The following CACNA1E variants were observed in gnomAD, a reference collection of about 807,000 sequenced individuals.
CACNA1E encodes calcium voltage-gated channel subunit alpha1 E.
A neutral mutation model predicts 259.2 loss-of-function variants in CACNA1E; 40 were observed. The ratio of observed to expected loss-of-function variants is 0.15; its 90% CI spans 0.12 to 0.20. The LOEUF (loss-of-function observed/expected upper bound fraction) is 0.20. Ranked by LOEUF, CACNA1E falls within the 10% of genes least tolerant of loss-of-function variation. The pLI is 1.00. For missense variants in CACNA1E, 1,874 were observed against 3,040.1 expected (o/e 0.62, Z 9.02); for synonymous variants, 1,104 against 1,138.5 (o/e 0.97, Z 0.61).
In CACNA1E at chr1:181,483,765, G is replaced by T; in HGVS notation, c.21G>T (p.Ala7=). 6.2e-7 allele frequency: 1 copy of T among 1,609,206 alleles called. No homozygotes were observed. The highest frequency in any genetic ancestry group is 8.5e-7 in the Non-Finnish European group (1 of 1,177,888). ...TCAGGATGGCTCGCTTCGGGGAGGC[G>T]GTGGTCGCCAGGCCAGGGTCCGGCG... MARFGE[A]VVARPGSGDG... The change falls in exon 1 of 48, where the codon GCG becomes GCT. Residue 7 remains alanine (A), a synonymous_variant. Transcript: ENST00000367573.
chr1:181,796,628 G>A (rs373059275), intron 46 of CACNA1E, 40 bp from the exon 47 acceptor site: 4 of 1,457,290 alleles, frequency 2.7e-6, no homozygotes, highest in South Asian at 2.7e-5. Context: ...TGGTCAGAGT[G>A]GACAGAGTTA....
intron 1 of CACNA1E, among the ~76,000 whole-genome samples, chr1:181,397,490 G>A (rs981076087): frequency 4.6e-5 from 7 of 152,068 alleles, no homozygotes; most frequent in African/African-American, 1.2e-4. Context: ...TAGTAGAGAC[G>A]GGGTTTCACC....
At chr1:181,483,500 TC>T, upstream of CACNA1E, 4 of 321,326 alleles carry the variant, frequency 1.2e-5, no homozygotes, top group East Asian at 5.0e-5. Flanking sequence ...TTTTCTTTTT[TC>T]TTTTTTTTTT....
At chr1:181,574,527 T>C (rs1255879888) in intron 3 of CACNA1E, among the ~76,000 whole-genome samples, 1 of 152,188 alleles carries the variant, frequency 6.6e-6, no homozygotes, top group Non-Finnish European at 1.5e-5. Context: ...CTTTATTGAG[T>C]GCCTCTTACT....
Position 181,568,908 on chromosome 1 carries a change from C to CT in CACNA1E, c.513-8856dup, listed in dbSNP as rs1358707466. ...GGCGTGAGCCACTGTGCCTGGCCCT[C>CT]TTCGGACTCCTTACTGTCTACTCTC... On this transcript the variant is annotated intron_variant, in intron 3 of 47. Coordinates refer to ENST00000367573, the MANE Select transcript of CACNA1E (RefSeq NM_001205293.3). Among the ~76,000 whole-genome samples, 3 of 152,284 alleles carry CT rather than the reference C, an allele frequency of 2.0e-5. No individual in the cohort carries two copies. The South Asian group carries it at 6.2e-4, about 32-fold the overall frequency.
chr1:181,762,730 C>A, intron 33 of CACNA1E, 73 bp downstream of exon 33: 1 of 870,172 alleles, frequency 1.1e-6, no homozygotes, highest in Non-Finnish European at 1.9e-6. Context: ...TCTGTATATT[C>A]AGTCCATTTT....
chr1:181,409,542 G>A (rs1267392768), intron 1 of CACNA1E, among the ~76,000 whole-genome samples: 1 of 152,200 alleles, frequency 6.6e-6, no homozygotes, highest in African/African-American at 2.4e-5. Context: ...ATAGAAAGAA[G>A]AACAAGACAA....
At chr1:181,763,312 A>G (rs1303953247) in intron 33 of CACNA1E, 94 bp from the exon 34 acceptor site, 1 of 1,039,564 alleles carries the variant, frequency 9.6e-7, no homozygotes, top group Non-Finnish European at 1.4e-6. Context: ...TGTCCCATTT[A>G]TCGGAATGAG....
chr1:181,405,581 A>T (rs1274149371), intron 1 of CACNA1E, among the ~76,000 whole-genome samples: 1 of 152,174 alleles, frequency 6.6e-6, no homozygotes, highest in Non-Finnish European at 1.5e-5. Context: ...TACCTCCCTT[A>T]AGTTCCTTAG....
intron 1 of CACNA1E, among the ~76,000 whole-genome samples, chr1:181,327,941 G>T (rs1421043456): frequency 2.0e-5 from 3 of 152,176 alleles, no homozygotes; most frequent in African/African-American, 4.8e-5. Context: ...GACATCTATG[G>T]GTCATCAGCT....
intron 2 of CACNA1E, among the ~76,000 whole-genome samples, chr1:181,478,368 T>A (rs1663001749): frequency 6.6e-6 from 1 of 152,144 alleles, no homozygotes; most frequent in African/African-American, 2.4e-5. Context: ...GAAGTTATGT[T>A]TTCACCCAAG....
At chr1:181,583,817 C>G (rs1291328433) in intron 6 of CACNA1E, among the ~76,000 whole-genome samples, 1 of 152,100 alleles carries the variant, frequency 6.6e-6, no homozygotes, top group Non-Finnish European at 1.5e-5. Context: ...TGGCTTCCCT[C>G]CCTCCTCTGG....
chr1:181,587,610 G>A (rs1396713636), intron 6 of CACNA1E, among the ~76,000 whole-genome samples: 1 of 152,186 alleles, frequency 6.6e-6, no homozygotes, highest in Admixed American at 6.5e-5. Flanking sequence ...AGGGCCGGGC[G>A]CGGTGGCTCA....
intron 3 of CACNA1E, among the ~76,000 whole-genome samples, chr1:181,544,971 T>C (rs1480837238): frequency 1.3e-5 from 2 of 152,218 alleles, no homozygotes; most frequent in African/African-American, 4.8e-5. Flanking sequence ...ATCAAAATCT[T>C]CTGAGGTTCT....
intron 6 of CACNA1E, 142 bp from the exon 7 acceptor site, chr1:181,651,196 A>G: frequency 1.7e-6 from 1 of 595,468 alleles, no homozygotes; most frequent in Non-Finnish European, 3.0e-6. Context: ...TCACGGTAAT[A>G]CCAAATTGGG....
intron 3 of CACNA1E, among the ~76,000 whole-genome samples, chr1:181,574,225 C>T (rs1650715236): frequency 6.6e-6 from 1 of 152,166 alleles, no homozygotes; most frequent in South Asian, 2.1e-4. Flanking sequence ...TGCAGCAAAC[C>T]ACCATGGCAC....
intron 39 of CACNA1E, among the ~76,000 whole-genome samples, chr1:181,782,000 CAAG>C (rs1660469978): frequency 6.6e-6 from 1 of 152,132 alleles, no homozygotes; most frequent in Non-Finnish European, 1.5e-5. Flanking sequence ...TTCCTTTAAA[CAAG>C]AAATTTTTAG....
chr1:181,512,479 T>G (rs569635496), intron 3 of CACNA1E, among the ~76,000 whole-genome samples: 1 of 152,288 alleles, frequency 6.6e-6, no homozygotes, highest in African/African-American at 2.4e-5. Flanking sequence ...ACTACTGTGA[T>G]TGACCAACAG....
rs1558100579 is a variant in CACNA1E, at chr1:181,537,103, T to TC, written c.512+25593_512+25594insC. 4.6e-4 allele frequency among the ~76,000 whole-genome samples: 57 copies of TC among 122,752 alleles called. 2 individuals are homozygous for TC. Among genetic ancestry groups the TC allele is most frequent in the Admixed American group, 8.7e-4 (10 of 11,552 alleles). 80.5% of individuals were successfully genotyped at this position (122,752 alleles called of 152,430 possible). A position where few individuals can be genotyped will look rare whatever the true frequency, so the allele number is the denominator to read the frequency against. ...TGGTTTCTTTTTCTTTTCTTTTTTT[T>TC]TTTTTTTTTTTTTGAGATGGAGTTT... On this transcript the variant is annotated intron_variant, in intron 3 of 47. Transcript: ENST00000367573.
Sources: gnomAD v4.1 joint callset for allele counts (sites outside exome capture counted in the v4.1 genomes callset) on GRCh38, gnomAD v4.1.1 for gene constraint, MANE v1.5 for transcripts, NCBI Gene and HGNC (gene_info 2026-07-23, HGNC 2026-07-21) for gene names.